CHD1L: variants seen among roughly 807,000 people sequenced by gnomAD.
CHD1L encodes the protein chromodomain helicase DNA binding protein 1 like.
A neutral mutation model predicts 115.9 loss-of-function variants in CHD1L; 118 were observed. That is an observed-to-expected ratio of 1.02 (90% CI 0.88 to 1.19). CHD1L has a LOEUF of 1.19. Among genes scored for constraint, CHD1L ranks in the 50% most tolerant of loss-of-function variants. The pLI, the probability that CHD1L is intolerant of heterozygous loss-of-function variation, is 0.00. For missense variants in CHD1L, 1,179 were observed against 1,065.3 expected, an observed-to-expected ratio of 1.11 and a Z score of -1.49; for synonymous variants, 411 against 387.1, an observed-to-expected ratio of 1.06 and a Z score of -0.72.
chr1:147,272,784 T>G (rs1676742089), intron 12 of CHD1L, among the ~76,000 whole-genome samples: 1 of 152,122 alleles, frequency 6.6e-6, no homozygotes, highest in Non-Finnish European at 1.5e-5. Flanking sequence ...ATGATTTAAA[T>G]CGTGAATATT....
the CHD1L span, chr1:147,184,375 C>A: frequency 9.0e-7 from 1 of 1,108,214 alleles, no homozygotes; most frequent in Non-Finnish European, 1.2e-6. This position sits in a 1 kb window ranked among gnomAD's most constrained non-coding sequence, Gnocchi z 4.4. Flanking sequence ...AACTAATAAA[C>A]CAATATTGAT....
chr1:147,175,352 C>G, the CHD1L span: 1 of 152,112 alleles, frequency 6.6e-6, no homozygotes, highest in Non-Finnish European at 1.5e-5. Flanking sequence ...ATGTCCTTCA[C>G]CTGGTGATAT....
the CHD1L span, among the ~76,000 whole-genome samples, chr1:147,202,645 T>C: frequency 6.6e-6 from 1 of 152,180 alleles, no homozygotes; most frequent in Admixed American, 6.5e-5. Context: ...GCCTGAATAC[T>C]ATATTAACTC....
chr1:147,276,330 G>A, intron 14 of CHD1L, 73 bp downstream of exon 14: 1 of 1,439,720 alleles, frequency 6.9e-7, no homozygotes, highest in Non-Finnish European at 9.3e-7. Flanking sequence ...TAAATGAAAA[G>A]AACCAGCACT....
chr1:147,186,374 G>A, the CHD1L span: 1 of 918,836 alleles, frequency 1.1e-6, no homozygotes, highest in Admixed American at 6.2e-5. Context: ...AATGTCTTAA[G>A]CATCTATATG....
the CHD1L span, chr1:147,174,485 T>G: frequency 6.6e-6 from 1 of 152,200 alleles, no homozygotes; most frequent in East Asian, 1.9e-4. Context: ...CGGAGAGAAA[T>G]AAACTGTTTT....
upstream of CHD1L, among the ~76,000 whole-genome samples, chr1:147,240,621 T>C (rs926786830): frequency 3.3e-5 from 5 of 152,144 alleles, no homozygotes; most frequent in Admixed American, 6.5e-5. Context: ...CAATGGAATG[T>C]CTCGGTGTAA....
In CHD1L at chr1:147,276,120, C is replaced by A. The variant is rs201774051; in HGVS notation, c.1402C>A (p.Arg468=). 1.2e-6 allele frequency: 2 copies of A among 1,613,848 alleles called. No homozygotes were observed. The highest frequency in any genetic ancestry group is 1.3e-5 in the African/African-American group (1 of 74,902). ...TATGTCCAGGTCTGTTAAAGTTATTCGGCTGATTGGTCGAGACACTGTGGA... is the reference window on the plus strand; with the variant it reads ...TATGTCCAGGTCTGTTAAAGTTATTAGGCTGATTGGTCGAGACACTGTGGA... The part of the protein sequence containing the change: ...IGQNKSVKVI[R]LIGRDTVEEI... Residue 468 remains arginine, a synonymous_variant, in exon 14 of 23, where the codon CGG becomes AGG. Transcript: ENST00000369258.
the CHD1L span, among the ~76,000 whole-genome samples, chr1:147,231,520 A>G: frequency 1.3e-5 from 2 of 152,162 alleles, no homozygotes; most frequent in African/African-American, 4.8e-5. Flanking sequence ...ATGTGTATTA[A>G]GTCCACCTGG....
At chr1:147,238,822 AC>A (rs1356985690), upstream of CHD1L, among the ~76,000 whole-genome samples, 3 of 152,072 alleles carry the variant, frequency 2.0e-5, no homozygotes, top group African/African-American at 7.2e-5. Context: ...GTTTTTACTA[AC>A]CCTGTTTTTA....
At chr1:147,247,184 C>T (rs1666893482) in intron 1 of CHD1L, among the ~76,000 whole-genome samples, 1 of 152,170 alleles carries the variant, frequency 6.6e-6, no homozygotes, top group African/African-American at 2.4e-5. Flanking sequence ...AGAGAACATA[C>T]TCTGTACAAT....
chr1:147,293,745 A>C, intron 21 of CHD1L, 23 bp downstream of exon 21: 4 of 1,576,644 alleles, frequency 2.5e-6, no homozygotes, highest in African/African-American at 1.3e-5. Flanking sequence ...ACCTGTGCTC[A>C]AGAGTAGATG....
chr1:147,206,875 T>C, the CHD1L span, among the ~76,000 whole-genome samples: 6 of 151,942 alleles, frequency 3.9e-5, no homozygotes, highest in East Asian at 1.9e-4. Context: ...ATGGCACATA[T>C]ATACATATAT....
At position 147,275,452 on chromosome 1, in the gene CHD1L, C is replaced by T. The variant is rs1171065853; in HGVS notation, c.1369C>T (p.Arg457Cys). The T allele has an allele frequency of 4.3e-6, 7 of 1,613,544 alleles. No homozygotes were observed. The highest frequency in any genetic ancestry group is 4.0e-5 in the African/African-American group (3 of 74,926). ...CTTGCAAGCAGCTGCCAGGGCTCAT[C>T]GCATTGGCCAAAACAAGTAAGTGAT... ...NDLQAAARAH[R>C]IGQNKSVKVI... Residue 457 changes from arginine (R) to cysteine (C), a missense_variant, in exon 13 of 23, where the codon CGC (arginine) becomes TGC (cysteine). Arg to Cys is a radical substitution (Grantham distance 180, BLOSUM62 -3). Transcript: ENST00000369258.
At chr1:147,287,447 T>G (rs1272900446) in intron 18 of CHD1L, among the ~76,000 whole-genome samples, 188 bp from the exon 19 acceptor site, 2 of 152,230 alleles carry the variant, frequency 1.3e-5, no homozygotes, top group African/African-American at 2.4e-5. Context: ...TGGCCCCAGC[T>G]ATATCTTCCA....
the CHD1L span, among the ~76,000 whole-genome samples, chr1:147,199,013 G>C: frequency 6.6e-6 from 1 of 152,112 alleles, no homozygotes; most frequent in African/African-American, 2.4e-5. Context: ...GAAAGTTGCT[G>C]AGTGAAAATA....
At chr1:147,213,734 C>T in the CHD1L span, among the ~76,000 whole-genome samples, 2 of 152,162 alleles carry the variant, frequency 1.3e-5, no homozygotes, top group African/African-American at 2.4e-5. Flanking sequence ...GTCTCTTGGT[C>T]CAGGTCCTAA....
At chr1:147,252,087 G>A (rs1156957978) in intron 1 of CHD1L, among the ~76,000 whole-genome samples, 3 of 152,030 alleles carry the variant, frequency 2.0e-5, no homozygotes, top group South Asian at 4.1e-4. Context: ...AATTTCACAC[G>A]TTTTCTGCCA....
Position 147,272,187 on chromosome 1 carries a change from T to C in CHD1L, c.1176T>C (p.Arg392=). The C allele has an allele frequency of 6.2e-7, 1 of 1,613,766 alleles. No homozygotes were observed. Among genetic ancestry groups the C allele is most frequent in the South Asian group, 1.1e-5 (1 of 91,056 alleles). Residue 392 remains arginine, a synonymous_variant, in exon 12 of 23, where the codon CGT becomes CGC. Transcript: ENST00000369258. ...TCTGTAAAGGCTACAGCTATGAGCG[T>C]GTGGATGGTTCTGTGAGAGGAGAAG... is the stretch of plus-strand genomic sequence containing the variant. ...YMDYRGYSYE[R]VDGSVRGEER...
Sources: gnomAD v4.1 joint callset for allele counts (sites outside exome capture counted in the v4.1 genomes callset) on GRCh38, gnomAD v4.1.1 for gene constraint, Gnocchi (gnomAD v3.1) non-coding constraint, MANE v1.5 for transcripts, NCBI Gene and HGNC (gene_info 2026-07-23, HGNC 2026-07-21) for gene names.